SVEP1: variants seen among roughly 807,000 people sequenced by gnomAD.
SVEP1 encodes the protein sushi, von Willebrand factor type A, EGF and pentraxin domain-containing protein 1.
SVEP1 carries 164 observed loss-of-function variants against 367.3 expected under a neutral mutation model. The ratio of observed to expected loss-of-function variants is 0.45; its 90% confidence interval spans 0.39 to 0.51. The LOEUF (loss-of-function observed/expected upper bound fraction) is 0.51. SVEP1 is among the 20% of genes least tolerant of loss of function. The probability of loss-of-function intolerance (pLI) is 0.00; values close to 1 mark genes in which losing one functional copy is unlikely to be tolerated. For synonymous variants in SVEP1, 1,666 were observed against 1,611.6 expected (o/e 1.03, Z -0.81); for missense variants, 4,117 against 4,425.3 (o/e 0.93, Z 1.98).
At chr9:110,378,116 ATCTT>A (rs1346180383) in intron 44 of SVEP1, among the ~76,000 whole-genome samples, 9 of 149,550 alleles carry the variant, frequency 6.0e-5, no homozygotes, top group African/African-American at 2.0e-4. Flanking sequence ...TATCTAATCT[ATCTT>A]CTTAATCATC....
chr9:110,518,504 C>G (rs1025391936), intron 3 of SVEP1, among the ~76,000 whole-genome samples: 1 of 151,992 alleles, frequency 6.6e-6, no homozygotes, highest in African/African-American at 2.4e-5. Flanking sequence ...TTTGTAGACA[C>G]CATCTTGCTC....
chr9:110,472,955 T>G lies in SVEP1; in HGVS notation c.2600-632A>C, dbSNP rs1403811604. Among the ~76,000 whole-genome samples the G allele has an allele frequency of 2.0e-5, 3 of 152,316 alleles. No homozygotes were observed. In the East Asian group the frequency reaches 5.8e-4, roughly 29 times the overall value. ...TGGCTTCTCGATGTAGGCTGCTGTA[T>G]AATCTTAGTCAAGTTACTTTCATCT... is the stretch of plus-strand genomic sequence containing the variant. On this transcript the variant is annotated intron_variant, in intron 14 of 47. Coordinates refer to ENST00000374469, the MANE Select transcript of SVEP1 (RefSeq NM_153366.4).
At position 110,408,963 on chromosome 9, in the gene SVEP1, G is replaced by T; in HGVS notation, c.6649-12C>A. On this transcript the variant is annotated splice_polypyrimidine_tract_variant and intron_variant, in intron 37 of 47. Transcript: ENST00000374469. ...CTGCCAGTTGTATGCTGTGCAACAG[G>T]AAGAAAGCAAGTGAGTGCGATTTGT... The T allele has an allele frequency of 6.5e-7, 1 of 1,546,492 alleles. No homozygotes were observed. The highest frequency in any genetic ancestry group is 8.7e-7 in the Non-Finnish European group (1 of 1,149,662).
Position 110,499,111 on chromosome 9 carries a change from T to C in SVEP1, c.1611A>G (p.Gly537=). ...TGGTACATCTCAGCATTTCTTTGAC[T>C]CCAGATAAAATGAACCCTTGGCGGC... The part of the protein sequence containing the change: ...VSCRQGFILS[G]VKEMLRCTTS... Residue 537 remains glycine, a synonymous_variant, in exon 7 of 48, where the codon GGA becomes GGG. Coordinates refer to ENST00000374469, the MANE Select transcript of SVEP1 (RefSeq NM_153366.4). 6.2e-7 allele frequency: 1 copy of C among 1,613,762 alleles called. No homozygotes were observed. The highest frequency in any genetic ancestry group is 8.5e-7 in the Non-Finnish European group (1 of 1,179,808).
At position 110,427,583 on chromosome 9, in the gene SVEP1, C is replaced by G; in HGVS notation, c.5975+8G>C. 3 of 1,611,438 alleles carry G rather than the reference C, an allele frequency of 1.9e-6. No homozygotes were observed. The highest frequency in any genetic ancestry group is 2.5e-6 in the Non-Finnish European group (3 of 1,178,496). Reference sequence around the variant, plus strand: ...TCAATGATCCTTTCCTTCACAGGCCCTACTCACCCTTCTTTGCAAGTGTAA... The same window carrying G: ...TCAATGATCCTTTCCTTCACAGGCCGTACTCACCCTTCTTTGCAAGTGTAA... On this transcript the variant is annotated splice_region_variant and intron_variant, in intron 36 of 47. Coordinates refer to ENST00000374469, the MANE Select transcript of SVEP1 (RefSeq NM_153366.4).
At chr9:110,404,969 T>C (rs1034430774) in intron 38 of SVEP1, among the ~76,000 whole-genome samples, 6 of 152,126 alleles carry the variant, frequency 3.9e-5, no homozygotes, top group African/African-American at 1.4e-4. Flanking sequence ...GAGGCTGCAG[T>C]GAGCCAAGAA....
Position 110,389,604 on chromosome 9 carries a change from A to AAAGGTCATCAAGATCATAACTCTACAAT in SVEP1, c.9823-45_9823-18dup. On this transcript the variant is annotated splice_polypyrimidine_tract_variant and intron_variant, in intron 40 of 47. Transcript: ENST00000374469. ...CCTGTTCCCCTGTGAAACAATGGAG[A>AAAGGTCATCAAGATCATAACTCTACAAT]AAGGTCATCAAGATCATAACTCTAC... 1 of 1,613,026 alleles carries AAAGGTCATCAAGATCATAACTCTACAAT rather than the reference A, an allele frequency of 6.2e-7. No individual in the cohort carries two copies. Among genetic ancestry groups the AAAGGTCATCAAGATCATAACTCTACAAT allele is most frequent in the East Asian group, 2.2e-5 (1 of 44,842 alleles).
chr9:110,522,315 T>TA (rs200099879), intron 3 of SVEP1, among the ~76,000 whole-genome samples: 2,593 of 152,070 alleles, frequency 0.017, 30 homozygotes, highest in Non-Finnish European at 0.025. Flanking sequence ...GGGATAACAT[T>TA]AAAAAAATTA....
chr9:110,518,706 T>C (rs538599324), intron 3 of SVEP1, among the ~76,000 whole-genome samples: 7 of 152,314 alleles, frequency 4.6e-5, no homozygotes, highest in Admixed American at 2.0e-4. Context: ...ATAAAACTTA[T>C]GTTCTTTGGT....
At chr9:110,477,141 C>G (rs1045572164) in intron 13 of SVEP1, among the ~76,000 whole-genome samples, 1 of 152,192 alleles carries the variant, frequency 6.6e-6, no homozygotes, top group Non-Finnish European at 1.5e-5. Context: ...TCACTCACTC[C>G]TGTAGTCATA....
At chr9:110,541,843 A>G (rs1391229675) in intron 3 of SVEP1, among the ~76,000 whole-genome samples, 14 of 138,028 alleles carry the variant, frequency 1.0e-4, no homozygotes, top group African/African-American at 2.7e-4. Context: ...ATATACATAG[A>G]TATCTATATA....
intron 8 of SVEP1, among the ~76,000 whole-genome samples, chr9:110,490,097 T>C (rs915263445): frequency 1.3e-5 from 2 of 152,208 alleles, no homozygotes; most frequent in African/African-American, 2.4e-5. Flanking sequence ...TATAAGATAA[T>C]TTAAGAAAAA....
At position 110,408,793 on chromosome 9, in the gene SVEP1, C is replaced by G; in HGVS notation, c.6807G>C (p.Pro2269=). 8.1e-6 allele frequency: 13 copies of G among 1,613,044 alleles called. No individual in the cohort carries two copies. The highest frequency in any genetic ancestry group is 1.1e-5 in the Non-Finnish European group (13 of 1,179,874). ...CVPLDCGKPP[P]IQNGFMKGEN... ...CTCCTTTCATGAAGCCATTCTGGAT[C>G]GGGGGAGGTTTTCCACAGTCGAGAG... The change falls in exon 38 of 48, where the codon CCG becomes CCC. Residue 2269 remains proline (P), a synonymous_variant. Transcript: ENST00000374469.
chr9:110,546,091 G>T (rs761995727), intron 3 of SVEP1, 24 bp downstream of exon 3: 78 of 1,551,126 alleles, frequency 5.0e-5, no homozygotes, highest in Non-Finnish European at 6.5e-5. Flanking sequence ...ACAGACAACT[G>T]ATATACACAG....
Position 110,537,927 on chromosome 9 carries a change from G to A in SVEP1, c.964+8188C>T, listed in dbSNP as rs141328551. On this transcript the variant is annotated intron_variant, in intron 3 of 47. Transcript: ENST00000374469. ...TGTTAAATGTTTTCCCTTTGTTCAC[G>A]TATCATTTTTATTGGAGAGAGTCTC... is the stretch of plus-strand genomic sequence containing the variant. 7.2e-5 allele frequency among the ~76,000 whole-genome samples: 11 copies of A among 151,772 alleles called. No homozygotes were observed. The East Asian group carries it at 1.7e-3, about 24-fold the overall frequency.
intron 14 of SVEP1, among the ~76,000 whole-genome samples, chr9:110,474,456 A>G (rs983083503): frequency 3.3e-5 from 5 of 152,134 alleles, no homozygotes; most frequent in African/African-American, 9.7e-5. Context: ...TTGGGGAGCA[A>G]TGCTTGTTTT....
rs555335570 is a variant in SVEP1, at chr9:110,389,795, C to T, written c.9823-208G>A. ...CTTCAAAATTCACACTCTGGCAGAC[C>T]GGTATAATTAAGGTACAGACTTTGC... On this transcript the variant is annotated intron_variant, in intron 40 of 47. Coordinates refer to ENST00000374469, the MANE Select transcript of SVEP1 (RefSeq NM_153366.4). 5.6e-4 allele frequency among the ~76,000 whole-genome samples: 85 copies of T among 151,758 alleles called. 2 individuals are homozygous for T. In the South Asian group the frequency reaches 0.014, roughly 25 times the overall value.
chr9:110,428,509 C>T lies in SVEP1; in HGVS notation c.5807+634G>A, dbSNP rs370070123. On this transcript the variant is annotated intron_variant, in intron 35 of 47. Coordinates refer to ENST00000374469, the MANE Select transcript of SVEP1 (RefSeq NM_153366.4). Reference sequence around the variant, plus strand: ...ATAACATTCCATGCAATGTTGAGTACGTTTGGTAAGCTGTTTATAAAGAAA... The same window carrying T: ...ATAACATTCCATGCAATGTTGAGTATGTTTGGTAAGCTGTTTATAAAGAAA... Among the ~76,000 whole-genome samples the T allele has an allele frequency of 8.6e-5, 13 of 152,014 alleles. No homozygotes were observed. In the East Asian group the frequency reaches 1.9e-3, roughly 23 times the overall value.
intron 47 of SVEP1, among the ~76,000 whole-genome samples, chr9:110,368,202 G>T (rs891477803): frequency 6.6e-6 from 1 of 152,224 alleles, no homozygotes; most frequent in Admixed American, 6.5e-5. Flanking sequence ...AGAGGTACAC[G>T]TGGCTTTCAA....
Sources: allele counts gnomAD v4.1 joint callset (sites outside exome capture counted in the v4.1 genomes callset), GRCh38; gene constraint gnomAD v4.1.1; transcripts MANE v1.5; gene names NCBI Gene and HGNC (gene_info 2026-07-23, HGNC 2026-07-21).